Variants in PPP2R2C observed in about 807,000 individuals in gnomAD.
The protein encoded by PPP2R2C is protein phosphatase 2 regulatory subunit Bgamma.
PPP2R2C carries 10 observed loss-of-function variants against 45.3 expected under a neutral mutation model. That is an observed-to-expected ratio of 0.22 (90% CI 0.14 to 0.37). PPP2R2C has a LOEUF of 0.37. Ranked by LOEUF, PPP2R2C falls within the 10% of genes least tolerant of loss-of-function variation. PPP2R2C has a pLI of 1.00. For missense variants in PPP2R2C, 308 were observed against 619.7 expected (o/e 0.50, Z 5.34); for synonymous variants, 257 against 245.4 (o/e 1.05, Z -0.44).
At chr4:6,382,553 G>T in intron 1 of PPP2R2C, 1 of 1,339,940 alleles carries the variant, frequency 7.5e-7, no homozygotes, top group Non-Finnish European at 9.9e-7. Context: ...ATCCTCTGCA[G>T]CTTCCCCAGT....
At chr4:6,381,335 C>T (rs1422734248) in intron 1 of PPP2R2C, 5 of 1,511,382 alleles carry the variant, frequency 3.3e-6, no homozygotes, top group Admixed American at 4.0e-5. Flanking sequence ...TTGGCACAGG[C>T]CTGGGGCGAC....
rs1450457720 is a variant in PPP2R2C, at chr4:6,372,139, T to C, written c.625+384A>G. Among the ~76,000 whole-genome samples, 5 of 152,210 alleles carry C rather than the reference T, an allele frequency of 3.3e-5. No individual in the cohort carries two copies. In the East Asian group the frequency reaches 9.7e-4, roughly 29 times the overall value. ...TCCTCCTATGCTAACACAGCCTGCCTTGGGTCCCAGTGGGGAGGGCCCCGA... is the reference window on the plus strand; with the variant it reads ...TCCTCCTATGCTAACACAGCCTGCCCTGGGTCCCAGTGGGGAGGGCCCCGA... On this transcript the variant is annotated intron_variant, in intron 5 of 8. Coordinates refer to ENST00000382599, the MANE Select transcript of PPP2R2C (RefSeq NM_020416.4).
Position 6,472,259 on chromosome 4 carries a change from C to T in PPP2R2C, c.-30G>A, listed in dbSNP as rs760849032. 5.0e-6 allele frequency: 8 copies of T among 1,611,468 alleles called. No homozygotes were observed. In the South Asian group the frequency reaches 8.8e-5, roughly 18 times the overall value. Reference sequence around the variant, plus strand: ...GGCCGTGCCCGGTGCTCTGGGCATGCCCCGCCGCCACACACCGATGCAATC... The same window carrying T: ...GGCCGTGCCCGGTGCTCTGGGCATGTCCCGCCGCCACACACCGATGCAATC... On this transcript the variant is annotated 5_prime_UTR_variant, in exon 1 of 9. Coordinates refer to ENST00000382599, the MANE Select transcript of PPP2R2C (RefSeq NM_020416.4).
intron 1 of PPP2R2C, among the ~76,000 whole-genome samples, chr4:6,402,419 T>C (rs1353957170): frequency 1.3e-5 from 2 of 152,218 alleles, no homozygotes; most frequent in Non-Finnish European, 2.9e-5. Flanking sequence ...GTCTCCTCAG[T>C]GTTCTCACCT....
chr4:6,421,064 G>A, intron 1 of PPP2R2C: 2 of 985,212 alleles, frequency 2.0e-6, no homozygotes, highest in Non-Finnish European at 2.4e-6. Flanking sequence ...CCTATTTGGG[G>A]TGTCCACAGA....
At chr4:6,458,908 G>A (rs1049404045) in intron 1 of PPP2R2C, among the ~76,000 whole-genome samples, 2 of 152,116 alleles carry the variant, frequency 1.3e-5, no homozygotes, top group Admixed American at 1.3e-4. Context: ...ATTGACCCAG[G>A]CTAACACAAG....
At chr4:6,380,755 G>A (rs1715716778) in intron 2 of PPP2R2C, among the ~76,000 whole-genome samples, 1 of 151,932 alleles carries the variant, frequency 6.6e-6, no homozygotes. Context: ...TCCCACCTCG[G>A]CATTCCAAAG....
rs2109172731 is a variant in PPP2R2C, at chr4:6,332,736, G to C, written c.960+826C>G. ...TGGCTCCTTGTCACCGGACAGTAAAGAATGGAGGTGACAGATGTCAAGCAC... is the reference window on the plus strand; with the variant it reads ...TGGCTCCTTGTCACCGGACAGTAAACAATGGAGGTGACAGATGTCAAGCAC... On this transcript the variant is annotated intron_variant, in intron 7 of 8. Coordinates refer to ENST00000382599, the MANE Select transcript of PPP2R2C (RefSeq NM_020416.4). This position sits in a 1 kb window ranked among gnomAD's most constrained non-coding sequence, Gnocchi z 4.9. Among the ~76,000 whole-genome samples, 1 of 152,264 alleles carries C rather than the reference G, an allele frequency of 6.6e-6. No individual in the cohort carries two copies. Among genetic ancestry groups the C allele is most frequent in the Middle Eastern group, 3.4e-3 (1 of 294 alleles).
At chr4:6,359,565 TTTTA>T (rs1713543069) in intron 5 of PPP2R2C, among the ~76,000 whole-genome samples, 2 of 152,026 alleles carry the variant, frequency 1.3e-5, no homozygotes, top group African/African-American at 4.8e-5. Flanking sequence ...GTTAAATACA[TTTTA>T]TTATTAAGAT....
chr4:6,457,210 A>T (rs201973586), intron 1 of PPP2R2C, among the ~76,000 whole-genome samples: 1 of 147,450 alleles, frequency 6.8e-6, no homozygotes. Flanking sequence ...TCCATCTCAA[A>T]AAAAAAAAAA....
chr4:6,393,482 G>T (rs116835019), intron 1 of PPP2R2C, among the ~76,000 whole-genome samples: 257 of 152,314 alleles, frequency 1.7e-3, no homozygotes, highest in African/African-American at 5.8e-3. Context: ...GTCTTTTAAG[G>T]CTGGTCCCTT....
chr4:6,520,852 T>C (rs1216216581), intron 2 of PPP2R2C, among the ~76,000 whole-genome samples: 2 of 152,232 alleles, frequency 1.3e-5, no homozygotes, highest in East Asian at 1.9e-4. Flanking sequence ...TTATCAGCCA[T>C]GTTTCACACA....
At chr4:6,394,601 C>T (rs557165494) in intron 1 of PPP2R2C, among the ~76,000 whole-genome samples, 5 of 152,194 alleles carry the variant, frequency 3.3e-5, no homozygotes, top group Non-Finnish European at 7.3e-5. Flanking sequence ...TCACCCCTGC[C>T]GCAGGGCTCT....
At chr4:6,468,988 C>T (rs1721720873) in intron 1 of PPP2R2C, among the ~76,000 whole-genome samples, 1 of 149,438 alleles carries the variant, frequency 6.7e-6, no homozygotes, top group African/African-American at 2.5e-5. Flanking sequence ...TTCTCTGTGC[C>T]CCCAGGTGGC....
chr4:6,345,525 C>A lies in PPP2R2C; in HGVS notation c.790+2321G>T, dbSNP rs150306889. On this transcript the variant is annotated intron_variant, in intron 6 of 8. Transcript: ENST00000382599. This position sits in a 1 kb window ranked among gnomAD's most constrained non-coding sequence, Gnocchi z 5.3. ...CAAGGCGATCACAAGGGCCTTTATACGCGAAAGACAGACAGGAGGGTCAGA... is the reference window on the plus strand; with the variant it reads ...CAAGGCGATCACAAGGGCCTTTATAAGCGAAAGACAGACAGGAGGGTCAGA... Among the ~76,000 whole-genome samples, 4 of 152,152 alleles carry A rather than the reference C, an allele frequency of 2.6e-5. No individual in the cohort carries two copies. Among genetic ancestry groups the A allele is most frequent in the Non-Finnish European group, 5.9e-5 (4 of 68,024 alleles).
intron 2 of PPP2R2C, among the ~76,000 whole-genome samples, chr4:6,493,066 T>G (rs1266236403): frequency 1.3e-5 from 2 of 152,022 alleles, no homozygotes; most frequent in African/African-American, 4.8e-5. Context: ...CATCTGCTAT[T>G]TCCTCCCCTG....
At chr4:6,400,714 T>C (rs1717361280) in intron 1 of PPP2R2C, among the ~76,000 whole-genome samples, 1 of 152,214 alleles carries the variant, frequency 6.6e-6, no homozygotes, top group African/African-American at 2.4e-5. Context: ...CATCCAAGCC[T>C]CTCCCATGTT....
At chr4:6,507,079 G>A (rs1486228929) in intron 2 of PPP2R2C, among the ~76,000 whole-genome samples, 3 of 152,194 alleles carry the variant, frequency 2.0e-5, no homozygotes, top group Non-Finnish European at 4.4e-5. Context: ...ACTAAGATAG[G>A]AAAGACCAGC....
intron 2 of PPP2R2C, among the ~76,000 whole-genome samples, chr4:6,502,749 A>G (rs1185028640): frequency 1.3e-5 from 2 of 152,044 alleles, no homozygotes; most frequent in Non-Finnish European, 2.9e-5. Context: ...CCCTCCTTCC[A>G]ATGAGGGTCT....
Sources: allele counts gnomAD v4.1 joint callset (sites outside exome capture counted in the v4.1 genomes callset), GRCh38; gene constraint gnomAD v4.1.1; non-coding constraint Gnocchi (gnomAD v3.1); transcripts MANE v1.5; gene names NCBI Gene and HGNC (gene_info 2026-07-23, HGNC 2026-07-21).